ATP2B3: variants seen among roughly 807,000 people sequenced by gnomAD.
ATP2B3 encodes plasma membrane calcium-transporting ATPase 3.
ATP2B3 carries 12 observed loss-of-function variants against 70.8 expected under a neutral mutation model. That is an observed-to-expected ratio of 0.17 (90% CI 0.11 to 0.27). The LOEUF is 0.27. ATP2B3 is among the 10% of genes least tolerant of loss of function. ATP2B3 has a pLI of 1.00. For synonymous variants in ATP2B3, 460 were observed against 497.8 expected (o/e 0.92, Z 1.01); for missense variants, 858 against 1,118.5 (o/e 0.77, Z 3.32).
At position 153,550,105 on chromosome X, in the gene ATP2B3, C is replaced by T; in HGVS notation, c.1642C>T (p.Leu548=). Residue 548 remains leucine (L), a synonymous_variant, in exon 12 of 22, where the codon CTG becomes TTG. Transcript: ENST00000263519. ...GGGCAATAAGACGGAGTGCGCCCTG[C>T]TGGGCTTCGTCTTGGACCTGAAGCG... ...QVGNKTECAL[L]GFVLDLKRDF... 8.2e-7 allele frequency: 1 copy of T among 1,212,617 alleles called. No individual in the cohort carries two copies. The highest frequency in any genetic ancestry group is 1.8e-5 in the South Asian group (1 of 57,054).
At position 153,539,563 on chromosome X, in the gene ATP2B3, C is replaced by T. The variant is rs1557005482; in HGVS notation, c.209-1796C>T. Among the ~76,000 whole-genome samples, 4 of 113,439 alleles carry T rather than the reference C, an allele frequency of 3.5e-5. No homozygotes were observed. In the South Asian group the frequency reaches 1.4e-3, roughly 40 times the overall value. Reference sequence around the variant, plus strand: ...CTTCCCAGACCCACTGTGAGTGCCCCATGGGCTGGGGCTGGGCTCTCTGGT... The same window carrying T: ...CTTCCCAGACCCACTGTGAGTGCCCTATGGGCTGGGGCTGGGCTCTCTGGT... On this transcript the variant is annotated intron_variant, in intron 3 of 21. Transcript: ENST00000263519.
At chrX:153,571,002 GTACACA>G (rs1207606341) in intron 21 of ATP2B3, among the ~76,000 whole-genome samples, 1,289 of 26,746 alleles carry the variant, frequency 0.048, 16 homozygotes, top group African/African-American at 0.09. Context: ...ACGTGCGCGC[GTACACA>G]CACACACACA....
intron 8 of ATP2B3, among the ~76,000 whole-genome samples, 173 bp downstream of exon 8, chrX:153,546,302 C>T (rs1307910369): frequency 8.9e-6 from 1 of 112,161 alleles, no homozygotes; most frequent in African/African-American, 3.2e-5. Context: ...GGAGAGAGCA[C>T]ACCCCTGGGG....
intron 10 of ATP2B3, among the ~76,000 whole-genome samples, chrX:153,549,164 T>C (rs2090416430): frequency 1.5e-5 from 1 of 65,732 alleles, no homozygotes; most frequent in African/African-American, 5.8e-5. Flanking sequence ...CCCGGGACAC[T>C]GGGAGGCAGT....
chrX:153,565,166 A>G, intron 21 of ATP2B3, 63 bp downstream of exon 21: 1 of 1,110,185 alleles, frequency 9.0e-7, no homozygotes, highest in Non-Finnish European at 1.2e-6. Context: ...CAAGCTGGCC[A>G]GCAGCAGCCG....
At position 153,553,063 on chromosome X, in the gene ATP2B3, G is replaced by A. The variant is rs782615379; in HGVS notation, c.1852G>A (p.Glu618Lys). The A allele has an allele frequency of 8.0e-5, 97 of 1,205,342 alleles. No individual in the cohort carries two copies. The highest frequency in any genetic ancestry group is 9.9e-5 in the Non-Finnish European group (88 of 891,289). The change falls in exon 13 of 22, where the codon GAA (glutamate) becomes AAA (lysine). Residue 618 changes from glutamate (E) to lysine (K), a missense_variant. Around this residue, in one of 5 missense-constraint regions of ATP2B3, gnomAD observed 242 missense variants for 281.3 expected, o/e 0.86. Transcript: ENST00000263519. ...CACCAACATCTTGAACAGCAATGGC[G>A]AACTCCGGGGCTTTCGGCCTCGGGA... ...KCTNILNSNG[E>K]LRGFRPRDRD...
chrX:153,568,742 C>G (rs1400038705), intron 21 of ATP2B3, among the ~76,000 whole-genome samples: 4 of 112,483 alleles, frequency 3.6e-5, no homozygotes, highest in African/African-American at 1.3e-4. Context: ...AGTCTGAACA[C>G]TCAAGCTGCC....
At chrX:153,557,743 A>G (rs1020386582) in intron 16 of ATP2B3, among the ~76,000 whole-genome samples, 3 of 111,210 alleles carry the variant, frequency 2.7e-5, no homozygotes, top group African/African-American at 9.8e-5. Flanking sequence ...AGGACTTCCC[A>G]GGGCTCCTTA....
At chrX:153,560,293 G>A (rs2090605102) in intron 18 of ATP2B3, among the ~76,000 whole-genome samples, 1 of 112,161 alleles carries the variant, frequency 8.9e-6, no homozygotes, top group South Asian at 3.7e-4. Context: ...GAACAGAACA[G>A]CCCACATTTA....
chrX:153,518,016 C>T (rs2089901935), intron 1 of ATP2B3, 141 bp downstream of exon 1: 2 of 110,222 alleles, frequency 1.8e-5, no homozygotes, highest in South Asian at 7.1e-4. Flanking sequence ...GCCCGAGGCA[C>T]CTGAGCCCCG....
chrX:153,574,514 G>T (rs2090830774), intron 21 of ATP2B3, among the ~76,000 whole-genome samples: 1 of 111,751 alleles, frequency 8.9e-6, no homozygotes, highest in Non-Finnish European at 1.9e-5. Context: ...GGGTCGGCTG[G>T]TGCCCAGCAC....
chrX:153,549,769 G>T (rs782477168), intron 11 of ATP2B3, 30 bp downstream of exon 11: 4 of 1,194,150 alleles, frequency 3.3e-6, no homozygotes, highest in Non-Finnish European at 4.5e-6. Context: ...GGCGGGCAGG[G>T]CCGGGGGCAG....
At chrX:153,522,301 C>G (rs1193926106) in intron 2 of ATP2B3, among the ~76,000 whole-genome samples, 1 of 112,533 alleles carries the variant, frequency 8.9e-6, no homozygotes, top group African/African-American at 3.2e-5. Flanking sequence ...AAAGCAAACG[C>G]AATGCCCTTC....
At position 153,550,130 on chromosome X, in the gene ATP2B3, G is replaced by T; in HGVS notation, c.1667G>T (p.Arg556Leu). 1 of 1,212,496 alleles carries T rather than the reference G, an allele frequency of 8.2e-7. No individual in the cohort carries two copies. ...ALLGFVLDLK[R>L]DFQPVREQIP... ...CTGGGCTTCGTCTTGGACCTGAAGC[G>T]GGACTTCCAGCCCGTGCGCGAGCAG... is the stretch of plus-strand genomic sequence containing the variant. The change falls in exon 12 of 22, where the codon CGG becomes CTG. Residue 556 changes from arginine (R) to leucine (L), a missense_variant. Transcript: ENST00000263519.
chrX:153,554,882 A>T (rs1388372299), intron 13 of ATP2B3, among the ~76,000 whole-genome samples: 2 of 110,755 alleles, frequency 1.8e-5, no homozygotes, highest in African/African-American at 6.8e-5. Context: ...CTTTGGGGCC[A>T]TGGGGAAGGA....
intron 21 of ATP2B3, among the ~76,000 whole-genome samples, chrX:153,573,354 T>A (rs1222633188): frequency 1.8e-5 from 2 of 112,559 alleles, no homozygotes; most frequent in African/African-American, 6.5e-5. Flanking sequence ...GGAAGGAGTC[T>A]TGTTTTCTGG....
chrX:153,558,908 G>A (rs1460877753), intron 17 of ATP2B3, among the ~76,000 whole-genome samples: 5 of 111,341 alleles, frequency 4.5e-5, no homozygotes, highest in South Asian at 3.8e-4. Flanking sequence ...TGGGCTATGC[G>A]TCCCATGGGA....
At position 153,579,873 on chromosome X, in the gene ATP2B3, C is replaced by CTCCT. The variant is rs1302464399; in HGVS notation, c.3343-92_3343-89dup. The CTCCT allele has an allele frequency of 2.0e-5, 14 of 686,839 alleles. No individual in the cohort carries two copies. The South Asian group carries it at 2.2e-4, about 11-fold the overall frequency. The allele number at this position is 686,839 out of a possible 1,213,427, so 56.6% of individuals were successfully genotyped here. A position where few individuals can be genotyped will look rare whatever the true frequency, so the allele number is the denominator to read the frequency against. The stretch of plus-strand genomic sequence containing the variant: ...CCAGCACCAGCCGGCCACTGACTGT[C>CTCCT]TCCTTCCTTCCTTCCTACCTTCCTT... On this transcript the variant is annotated intron_variant, in intron 21 of 21. Coordinates refer to ENST00000263519, the MANE Select transcript of ATP2B3 (RefSeq NM_001001344.3).
chrX:153,547,695 A>G, intron 8 of ATP2B3, 140 bp from the exon 9 acceptor site: 1 of 782,771 alleles, frequency 1.3e-6, no homozygotes, highest in Non-Finnish European at 1.7e-6. Context: ...AGGGAAGCTG[A>G]TAGACTTGGA....
Sources: allele counts gnomAD v4.1 joint callset (sites outside exome capture counted in the v4.1 genomes callset), GRCh38; gene constraint gnomAD v4.1.1; regional missense constraint gnomAD v4.1.1; transcripts MANE v1.5; gene names NCBI Gene and HGNC (gene_info 2026-07-23, HGNC 2026-07-21).